TAFA1: variants seen among roughly 807,000 people sequenced by gnomAD.
The protein encoded by TAFA1 is TAFA chemokine like family member 1, also known as chemokine-like protein TAFA-1.
TAFA1 carries 4 observed loss-of-function variants against 18.5 expected under a neutral mutation model. That is an observed-to-expected ratio of 0.22 (90% confidence interval 0.11 to 0.49). TAFA1 has a LOEUF of 0.49. TAFA1 is among the 20% of genes least tolerant of loss of function. The probability of loss-of-function intolerance (pLI) is 0.98; values close to 1 mark genes in which losing one functional copy is unlikely to be tolerated. For missense variants in TAFA1, 147 were observed against 169.0 expected, an observed-to-expected ratio of 0.87 and a Z score of 0.72; for synonymous variants, 56 against 55.2, an observed-to-expected ratio of 1.01 and a Z score of -0.06.
At chr3:68,053,814 C>T (rs2064501320) in intron 2 of TAFA1, among the ~76,000 whole-genome samples, 1 of 152,156 alleles carries the variant, frequency 6.6e-6, no homozygotes, top group Non-Finnish European at 1.5e-5. Flanking sequence ...AGCCATCCTC[C>T]TGCCTCAGCC....
At chr3:68,195,002 T>C (rs1370038240) in intron 2 of TAFA1, among the ~76,000 whole-genome samples, 1 of 151,660 alleles carries the variant, frequency 6.6e-6, no homozygotes, top group Non-Finnish European at 1.5e-5. Flanking sequence ...TGTAATCCTG[T>C]TTAAAGTGGA....
chr3:68,415,860 C>G (rs572733928), intron 2 of TAFA1, among the ~76,000 whole-genome samples: 2 of 152,252 alleles, frequency 1.3e-5, no homozygotes, highest in East Asian at 3.9e-4. Context: ...ATATGAAAGC[C>G]TGAACTCTTC....
intron 2 of TAFA1, among the ~76,000 whole-genome samples, chr3:68,143,780 G>C (rs1048663171): frequency 1.3e-5 from 2 of 152,154 alleles, no homozygotes; most frequent in Non-Finnish European, 2.9e-5. Context: ...TAAATTAATA[G>C]AGAAAGATGG....
intron 2 of TAFA1, among the ~76,000 whole-genome samples, chr3:68,393,460 A>AAAC (rs1559649213): frequency 2.0e-5 from 3 of 151,972 alleles, no homozygotes; most frequent in Non-Finnish European, 4.4e-5. Context: ...CCATTCCTTC[A>AAAC]AAAACTATTT....
At chr3:68,265,588 G>C (rs1410325372) in intron 2 of TAFA1, among the ~76,000 whole-genome samples, 1 of 152,196 alleles carries the variant, frequency 6.6e-6, no homozygotes, top group Non-Finnish European at 1.5e-5. Flanking sequence ...CCAGGGCACA[G>C]AGTGATATGA....
chr3:68,099,272 A>G (rs771839606), intron 2 of TAFA1, among the ~76,000 whole-genome samples: 26 of 152,222 alleles, frequency 1.7e-4, no homozygotes, highest in Admixed American at 4.6e-4. Flanking sequence ...GGAAGGTCTA[A>G]TATCCAGAAT....
chr3:68,280,208 T>A (rs1385943269), intron 2 of TAFA1, among the ~76,000 whole-genome samples: 1 of 152,170 alleles, frequency 6.6e-6, no homozygotes, highest in Non-Finnish European at 1.5e-5. Flanking sequence ...AAGGGGGAAC[T>A]GAGACATCTT....
chr3:68,287,153 T>C (rs931807920), intron 2 of TAFA1, among the ~76,000 whole-genome samples: 5 of 152,204 alleles, frequency 3.3e-5, no homozygotes, highest in African/African-American at 1.2e-4. Context: ...TAATTTACTT[T>C]CCTTTTGCTT....
chr3:68,068,226 G>C (rs2064707619), intron 2 of TAFA1, among the ~76,000 whole-genome samples: 1 of 152,158 alleles, frequency 6.6e-6, no homozygotes, highest in South Asian at 2.1e-4. Context: ...TTCAATAAGT[G>C]ATACATATAA....
chr3:68,163,988 A>G (rs554174462), intron 2 of TAFA1, among the ~76,000 whole-genome samples: 8 of 152,336 alleles, frequency 5.3e-5, no homozygotes, highest in South Asian at 2.1e-4. Flanking sequence ...AGCTGATCCT[A>G]TATCCCAGTC....
chr3:68,525,164 AT>A (rs918168017), intron 3 of TAFA1, among the ~76,000 whole-genome samples: 1 of 152,116 alleles, frequency 6.6e-6, no homozygotes, highest in Non-Finnish European at 1.5e-5. Flanking sequence ...TCCTTTGATT[AT>A]TTTTTTAGCT....
At chr3:68,127,665 T>TGATGATGGTGGTGGTGGTGGTGG (rs2065482696) in intron 2 of TAFA1, among the ~76,000 whole-genome samples, 1 of 11,328 alleles carries the variant, frequency 8.8e-5, no homozygotes, top group African/African-American at 2.1e-4. Context: ...GGTGGTGGTG[T>TGATGATGGTGGTGGTGGTGGTGG]GATGATGGTG....
intron 2 of TAFA1, among the ~76,000 whole-genome samples, chr3:68,416,763 T>A (rs1392711659): frequency 6.6e-6 from 1 of 152,222 alleles, no homozygotes; most frequent in African/African-American, 2.4e-5. Context: ...CATTTGCGGA[T>A]GAAGTCTAGA....
At chr3:68,475,316 C>T (rs1441758627) in intron 3 of TAFA1, among the ~76,000 whole-genome samples, 1 of 151,856 alleles carries the variant, frequency 6.6e-6, no homozygotes, top group Non-Finnish European at 1.5e-5. Flanking sequence ...CCCATCCCCC[C>T]ACCCCACAAC....
At chr3:68,505,880 A>G (rs2072741371) in intron 3 of TAFA1, among the ~76,000 whole-genome samples, 1 of 61,298 alleles carries the variant, frequency 1.6e-5, no homozygotes, top group African/African-American at 7.5e-5. Context: ...GCCATATTCT[A>G]TTTCTTTTTT....
At chr3:68,103,935 T>G (rs914058095) in intron 2 of TAFA1, among the ~76,000 whole-genome samples, 4 of 152,158 alleles carry the variant, frequency 2.6e-5, no homozygotes, top group Non-Finnish European at 5.9e-5. Flanking sequence ...CATCAGGATT[T>G]GAACCCAGGT....
chr3:68,097,981 C>G (rs971679418), intron 2 of TAFA1, among the ~76,000 whole-genome samples: 6 of 152,130 alleles, frequency 3.9e-5, no homozygotes, highest in African/African-American at 1.4e-4. Flanking sequence ...GGTTATTCCT[C>G]CCAAGCCTCA....
At chr3:68,356,856 A>G (rs1015316122) in intron 2 of TAFA1, among the ~76,000 whole-genome samples, 6 of 152,074 alleles carry the variant, frequency 3.9e-5, no homozygotes, top group Non-Finnish European at 8.8e-5. Flanking sequence ...TATAGGTACT[A>G]TGTGGGTGAA....
intron 2 of TAFA1, among the ~76,000 whole-genome samples, chr3:68,052,475 A>G (rs987888386): frequency 1.3e-5 from 2 of 152,196 alleles, no homozygotes; most frequent in African/African-American, 4.8e-5. Flanking sequence ...CATTAAAGAA[A>G]GAAATCCTCT....
Sources: gnomAD v4.1 joint callset for allele counts (sites outside exome capture counted in the v4.1 genomes callset) on GRCh38, gnomAD v4.1.1 for gene constraint, MANE v1.5 for transcripts, NCBI Gene and HGNC (gene_info 2026-07-23, HGNC 2026-07-21) for gene names.